The following CHPF2 variants were observed in gnomAD, a reference collection of about 807,000 sequenced individuals.
CHPF2 encodes chondroitin polymerizing factor 2, non-catalytic subunit.
CHPF2 carries 58 observed loss-of-function variants against 63.0 expected under a neutral mutation model. The observed-to-expected ratio is 0.92, with a 90% confidence interval of 0.75 to 1.15. The LOEUF (loss-of-function observed/expected upper bound fraction) is 1.15, where lower values mean the gene tolerates loss of function less well. Among genes scored for constraint, CHPF2 ranks in the 50% most tolerant of loss-of-function variants. The pLI, the probability that CHPF2 is intolerant of heterozygous loss-of-function variation, is 0.00. For synonymous variants in CHPF2, 442 were observed against 438.0 expected (o/e 1.01, Z -0.11); for missense variants, 1,045 against 1,035.4 (o/e 1.01, Z -0.13).
At position 151,237,935 on chromosome 7, in the gene CHPF2, CT is replaced by C; in HGVS notation, c.1574del (p.Leu525ArgfsTer21). 6.2e-7 allele frequency: 1 copy of C among 1,613,100 alleles called. No individual in the cohort carries two copies. Among genetic ancestry groups the C allele is most frequent in the Non-Finnish European group, 8.5e-7 (1 of 1,180,040 alleles). ...LEPREHALLT[L>X]LLVYGPREGG... The stretch of plus-strand genomic sequence containing the variant: ...GCCACGAGAACATGCATTGCTCACC[CT>C]GTTGCTGGTCTACGGGCCACGAGAA... On this transcript the variant is annotated frameshift_variant, in exon 4 of 4. Transcript: ENST00000035307. LOFTEE classifies it high-confidence loss of function.
intron 2 of CHPF2, among the ~76,000 whole-genome samples, chr7:151,236,128 A>G (rs1802639077): frequency 6.6e-6 from 1 of 152,166 alleles, no homozygotes; most frequent in East Asian, 1.9e-4. Context: ...TATTATTTTT[A>G]ATATGTTATT....
At position 151,234,098 on chromosome 7, in the gene CHPF2, G is replaced by T. The variant is rs1187443572; in HGVS notation, c.87G>T (p.Leu29=). The T allele has an allele frequency of 2.5e-6, 4 of 1,609,432 alleles. No homozygotes were observed. The African/African-American group carries it at 4.0e-5, about 16-fold the overall frequency. Reference sequence around the variant, plus strand: ...CTCTGGGGTGCAGCCTGAGCCTCCTGCGGGTTTCCTGGATCCAGGGGGAGG... The same window carrying T: ...CTCTGGGGTGCAGCCTGAGCCTCCTTCGGGTTTCCTGGATCCAGGGGGAGG... ...GLSLGCSLSL[L]RVSWIQGEGE... The change falls in exon 1 of 4, where the codon CTG becomes CTT. Residue 29 remains leucine, a synonymous_variant. Coordinates refer to ENST00000035307, the MANE Select transcript of CHPF2 (RefSeq NM_019015.3).
At position 151,238,271 on chromosome 7, in the gene CHPF2, C is replaced by A; in HGVS notation, c.1909C>A (p.Pro637Thr). 6.2e-7 allele frequency: 1 copy of A among 1,612,208 alleles called. No individual in the cohort carries two copies. The highest frequency in any genetic ancestry group is 8.5e-7 in the Non-Finnish European group (1 of 1,179,544). The change falls in exon 4 of 4, where the codon CCA becomes ACA. Residue 637 changes from proline to threonine, a missense_variant. By Grantham distance (38) the Pro-to-Thr change is conservative. Coordinates refer to ENST00000035307, the MANE Select transcript of CHPF2 (RefSeq NM_019015.3). ...TGCCCTGTCACCACAGAGATCACCC[C>A]CAGGGCCCCCGGGGGCTGGCCCTGA... is the stretch of plus-strand genomic sequence containing the variant. ...NPALSPQRSP[P>T]GPPGAGPDPP...
intron 2 of CHPF2, 122 bp from the exon 3 acceptor site, chr7:151,236,286 C>G: frequency 1.3e-6 from 1 of 799,708 alleles, no homozygotes; most frequent in East Asian, 2.8e-5. Flanking sequence ...GGAAAGGGTG[C>G]CTCTTCTGTC....
Position 151,233,152 on chromosome 7 carries a change from T to C in CHPF2, c.-860T>C, listed in dbSNP as rs763726062. The stretch of plus-strand genomic sequence containing the variant: ...CTTCATTTGGCCCCTGGGGCCCTGG[T>C]AAAACCAGGCACCGAATCGCTCGCA... On this transcript the variant is annotated 5_prime_UTR_variant, in exon 1 of 4. Transcript: ENST00000035307. 1.6e-5 allele frequency: 17 copies of C among 1,080,002 alleles called. No individual in the cohort carries two copies. Among genetic ancestry groups the C allele is most frequent in the Non-Finnish European group, 1.9e-5 (17 of 891,054 alleles). The allele number at this position is 1,080,002 out of a possible 1,614,324, so 66.9% of individuals were successfully genotyped here.
chr7:151,233,678 T>C lies in CHPF2; in HGVS notation c.-334T>C. On this transcript the variant is annotated 5_prime_UTR_variant, in exon 1 of 4. Coordinates refer to ENST00000035307, the MANE Select transcript of CHPF2 (RefSeq NM_019015.3). ...GTAGTGTTCCTTTTTGGGTTAGCTT[T>C]GGCAGTATTGAGTTTTACTTCCTCC... 9.4e-7 allele frequency: 1 copy of C among 1,058,822 alleles called. No homozygotes were observed. 65.6% of individuals were successfully genotyped at this position (1,058,822 alleles called of 1,614,324 possible).
At position 151,235,028 on chromosome 7, in the gene CHPF2, G is replaced by C; in HGVS notation, c.264-20G>C. 1 of 1,519,384 alleles carries C rather than the reference G, an allele frequency of 6.6e-7. No individual in the cohort carries two copies. Among genetic ancestry groups the C allele is most frequent in the Non-Finnish European group, 8.8e-7 (1 of 1,130,966 alleles). The allele number at this position is 1,519,384 out of a possible 1,614,324, so 94.1% of individuals were successfully genotyped here. A position where few individuals can be genotyped will look rare whatever the true frequency, so the allele number is the denominator to read the frequency against. Reference sequence around the variant, plus strand: ...CTAAAGATTAGGGAGTTGACCTCTGGCACACTGGTCTTTCCACAGGACTCG... The same window carrying C: ...CTAAAGATTAGGGAGTTGACCTCTGCCACACTGGTCTTTCCACAGGACTCG... On this transcript the variant is annotated intron_variant, in intron 1 of 3. Coordinates refer to ENST00000035307, the MANE Select transcript of CHPF2 (RefSeq NM_019015.3).
chr7:151,234,528 G>C (rs767030261), intron 1 of CHPF2, among the ~76,000 whole-genome samples: 4 of 151,984 alleles, frequency 2.6e-5, no homozygotes, highest in Non-Finnish European at 4.4e-5. Context: ...TCTTGCTCTC[G>C]TCGCCCAGGC....
Position 151,232,519 on chromosome 7 carries a change from G to C in CHPF2, c.-1493G>C. The C allele has an allele frequency of 2.0e-6, 1 of 501,730 alleles. No individual in the cohort carries two copies. Among genetic ancestry groups the C allele is most frequent in the Non-Finnish European group, 3.5e-6 (1 of 285,634 alleles). 31.1% of individuals were successfully genotyped at this position (501,730 alleles called of 1,614,324 possible). A position where few individuals can be genotyped will look rare whatever the true frequency, so the allele number is the denominator to read the frequency against. On this transcript the variant is annotated 5_prime_UTR_variant, in exon 1 of 4. Coordinates refer to ENST00000035307, the MANE Select transcript of CHPF2 (RefSeq NM_019015.3). Reference sequence around the variant, plus strand: ...CGGACAGGGGCTGTGAGGTGGCAGCGGCTGCAGCGGCGGAGCCGGCGCCTC... The same window carrying C: ...CGGACAGGGGCTGTGAGGTGGCAGCCGCTGCAGCGGCGGAGCCGGCGCCTC...
rs1030501339 is a variant in CHPF2, at chr7:151,232,518, C to G, written c.-1494C>G. 1 of 502,670 alleles carries G rather than the reference C, an allele frequency of 2.0e-6. No individual in the cohort carries two copies. Among genetic ancestry groups the G allele is most frequent in the African/African-American group, 2.1e-5 (1 of 48,720 alleles). 31.1% of individuals were successfully genotyped at this position (502,670 alleles called of 1,614,324 possible). ...GCGGACAGGGGCTGTGAGGTGGCAG[C>G]GGCTGCAGCGGCGGAGCCGGCGCCT... On this transcript the variant is annotated 5_prime_UTR_variant, in exon 1 of 4. Coordinates refer to ENST00000035307, the MANE Select transcript of CHPF2 (RefSeq NM_019015.3).
At position 151,238,593 on chromosome 7, in the gene CHPF2, G is replaced by A. The variant is rs578130308; in HGVS notation, c.2231G>A (p.Arg744His). 2.7e-5 allele frequency: 44 copies of A among 1,612,766 alleles called. No individual in the cohort carries two copies. In the South Asian group the frequency reaches 3.7e-4, roughly 14 times the overall value. The stretch of plus-strand genomic sequence containing the variant: ...CGGCTCAGTGAAGAACTCTACCACC[G>A]CTGCCGCCTCAGCAACCTGGAGGGG... ...SPRLSEELYH[R>H]CRLSNLEGLG... The change falls in exon 4 of 4, where the codon CGC becomes CAC. Residue 744 changes from arginine to histidine, a missense_variant. Arg to His is a conservative substitution (Grantham distance 29). Coordinates refer to ENST00000035307, the MANE Select transcript of CHPF2 (RefSeq NM_019015.3).
In CHPF2 at chr7:151,234,199, A is replaced by G; in HGVS notation, c.188A>G (p.Gln63Arg). The stretch of plus-strand genomic sequence containing the variant: ...CCAGATTCCAGAGCTCGGCTAGACC[A>G]AAGTGATGAAGACTTCAAACCCCGG... The part of the protein sequence containing the change: ...QNPDSRARLD[Q>R]SDEDFKPRIV... Residue 63 changes from glutamine to arginine, a missense_variant, in exon 1 of 4, where the codon CAA becomes CGA. Transcript: ENST00000035307. 1 of 1,613,592 alleles carries G rather than the reference A, an allele frequency of 6.2e-7. No homozygotes were observed.
chr7:151,232,726 G>A lies in CHPF2; in HGVS notation c.-1286G>A. The stretch of plus-strand genomic sequence containing the variant: ...TGAAACCCGGGCCTCCTCCCCGAGG[G>A]CCTTGGGCGTCCCTCCTGGTCCTGC... On this transcript the variant is annotated 5_prime_UTR_variant, in exon 1 of 4. Transcript: ENST00000035307. 1 of 1,504,836 alleles carries A rather than the reference G, an allele frequency of 6.6e-7. No individual in the cohort carries two copies. The highest frequency in any genetic ancestry group is 8.8e-7 in the Non-Finnish European group (1 of 1,133,128). 93.2% of individuals were successfully genotyped at this position (1,504,836 alleles called of 1,614,324 possible). A position where few individuals can be genotyped will look rare whatever the true frequency, so the allele number is the denominator to read the frequency against.
chr7:151,234,528 G>T (rs767030261), intron 1 of CHPF2, among the ~76,000 whole-genome samples: 1 of 151,984 alleles, frequency 6.6e-6, no homozygotes, highest in Non-Finnish European at 1.5e-5. Context: ...TCTTGCTCTC[G>T]TCGCCCAGGC....
At position 151,238,359 on chromosome 7, in the gene CHPF2, G is replaced by T; in HGVS notation, c.1997G>T (p.Arg666Leu). ...GCTCCTATAGGGGGGAGATTTGACC[G>T]GCAGGCTTCTGCGGAGGGCTGCTTC... Reference protein sequence around the residue: ...RGAPIGGRFDRQASAEGCFYN... With the variant: ...RGAPIGGRFDLQASAEGCFYN... The change falls in exon 4 of 4, where the codon CGG (arginine) becomes CTG (leucine). Residue 666 changes from arginine to leucine, a missense_variant. Coordinates refer to ENST00000035307, the MANE Select transcript of CHPF2 (RefSeq NM_019015.3). The T allele has an allele frequency of 6.2e-7, 1 of 1,608,208 alleles. No individual in the cohort carries two copies.
rs749532666 is a variant in CHPF2, at chr7:151,238,179, G to A, written c.1817G>A (p.Arg606His). 9 of 1,612,650 alleles carry A rather than the reference G, an allele frequency of 5.6e-6. No individual in the cohort carries two copies. Among genetic ancestry groups the A allele is most frequent in the East Asian group, 2.2e-5 (1 of 44,890 alleles). Reference sequence around the variant, plus strand: ...AGGCCTGGGCCCGAAGTCCTCAACCGCTGTCGCATGAATGCCATCTCTGGC... The same window carrying A: ...AGGCCTGGGCCCGAAGTCCTCAACCACTGTCGCATGAATGCCATCTCTGGC... The part of the protein sequence containing the change: ...WTRPGPEVLN[R>H]CRMNAISGWQ... The change falls in exon 4 of 4, where the codon CGC (arginine) becomes CAC (histidine). Residue 606 changes from arginine to histidine, a missense_variant. Coordinates refer to ENST00000035307, the MANE Select transcript of CHPF2 (RefSeq NM_019015.3).
rs191100895 is a variant in CHPF2 at position 151,233,776 on chromosome 7, T to C, written c.-236T>C. The C allele has an allele frequency of 1.6e-6, 2 of 1,229,320 alleles. No homozygotes were observed. The highest frequency in any genetic ancestry group is 3.2e-5 in the East Asian group (1 of 30,802). The allele number at this position is 1,229,320 out of a possible 1,614,324, so 76.2% of individuals were successfully genotyped here. A position where few individuals can be genotyped will look rare whatever the true frequency, so the allele number is the denominator to read the frequency against. On this transcript the variant is annotated 5_prime_UTR_variant, in exon 1 of 4. Transcript: ENST00000035307. ...TTGTTTCATTTATTACCGTTTTGGC[T>C]GGGGGTTAGTTCCGACACCTTCACA...
chr7:151,235,909 G>C (rs1000065234), intron 2 of CHPF2, among the ~76,000 whole-genome samples: 2 of 152,208 alleles, frequency 1.3e-5, no homozygotes, highest in Non-Finnish European at 1.5e-5. Context: ...GGCAGTGTGG[G>C]CATGTCTTAG....
chr7:151,237,696 C>G lies in CHPF2; in HGVS notation c.1334C>G (p.Thr445Ser). ...GACCCAGCACGGGGCATGGAGTACACCCTGGACCTGCTGTTGGAATGTGTG... is the reference window on the plus strand; with the variant it reads ...GACCCAGCACGGGGCATGGAGTACAGCCTGGACCTGCTGTTGGAATGTGTG... Reference protein sequence around the residue: ...RFDPARGMEYTLDLLLECVTQ... With the variant: ...RFDPARGMEYSLDLLLECVTQ... The change falls in exon 4 of 4, where the codon ACC (threonine) becomes AGC (serine). Residue 445 changes from threonine to serine, a missense_variant. By Grantham distance (58) the Thr-to-Ser change is moderately conservative. Transcript: ENST00000035307. The G allele has an allele frequency of 1.9e-6, 3 of 1,613,042 alleles. No individual in the cohort carries two copies. Among genetic ancestry groups the G allele is most frequent in the Non-Finnish European group, 2.5e-6 (3 of 1,179,926 alleles).
Sources: allele counts gnomAD v4.1 joint callset (sites outside exome capture counted in the v4.1 genomes callset), GRCh38; gene constraint gnomAD v4.1.1; transcripts MANE v1.5; gene names NCBI Gene and HGNC (gene_info 2026-07-23, HGNC 2026-07-21).